SNX29: variants seen among roughly 807,000 people sequenced by gnomAD.
SNX29 encodes the protein sorting nexin-29.
A neutral mutation model predicts 102.1 loss-of-function variants in SNX29; 78 were observed. The observed-to-expected ratio is 0.76, with a 90% CI of 0.64 to 0.92. The LOEUF is 0.92. Among genes scored for constraint, SNX29 ranks in the 40% least tolerant of loss-of-function variants. The probability of loss-of-function intolerance (pLI) is 0.00; values close to 1 mark genes in which losing one functional copy is unlikely to be tolerated. For synonymous variants in SNX29, 580 were observed against 414.5 expected, an observed-to-expected ratio of 1.40 and a Z score of -4.85; for missense variants, 1,280 against 1,061.7, an observed-to-expected ratio of 1.21 and a Z score of -2.86.
chr16:12,254,695 A>G (rs746808080), intron 14 of SNX29, among the ~76,000 whole-genome samples: 4 of 151,180 alleles, frequency 2.6e-5, no homozygotes, highest in East Asian at 1.9e-4. Context: ...AGACTCTCCT[A>G]GAGTCCTAGA....
intron 13 of SNX29, among the ~76,000 whole-genome samples, chr16:12,156,911 T>C (rs896925672): frequency 3.3e-5 from 5 of 151,998 alleles, no homozygotes; most frequent in African/African-American, 1.2e-4. Flanking sequence ...TTCACTTCTG[T>C]GGGGTGGGCC....
At chr16:12,538,712 A>T (rs1255557923) in intron 20 of SNX29, among the ~76,000 whole-genome samples, 1 of 152,168 alleles carries the variant, frequency 6.6e-6, no homozygotes, top group African/African-American at 2.4e-5. Flanking sequence ...CTGGGCATGT[A>T]CATCAGGGAG....
chr16:12,524,413 A>T (rs2090217605), intron 19 of SNX29, among the ~76,000 whole-genome samples: 1 of 151,912 alleles, frequency 6.6e-6, no homozygotes, highest in Non-Finnish European at 1.5e-5. Flanking sequence ...CCAGCACCAC[A>T]TTCGGCACAT....
intron 16 of SNX29, among the ~76,000 whole-genome samples, chr16:12,363,209 C>T (rs1008161786): frequency 3.3e-5 from 5 of 152,240 alleles, no homozygotes; most frequent in Non-Finnish European, 7.3e-5. Context: ...CTCAGGCCTG[C>T]TTTGGTCGTC....
At chr16:12,311,144 T>A (rs1174285826) in intron 15 of SNX29, among the ~76,000 whole-genome samples, 1 of 152,208 alleles carries the variant, frequency 6.6e-6, no homozygotes, top group Admixed American at 6.5e-5. Flanking sequence ...GCTAAAAAAT[T>A]AAGCTCTTCA....
chr16:12,224,748 A>C (rs1267400871), intron 14 of SNX29, among the ~76,000 whole-genome samples: 1 of 152,192 alleles, frequency 6.6e-6, no homozygotes, highest in Non-Finnish European at 1.5e-5. Context: ...AGCAGGCACA[A>C]AACCAGATAG....
chr16:12,517,050 C>T (rs555904440), intron 19 of SNX29, among the ~76,000 whole-genome samples: 26 of 152,234 alleles, frequency 1.7e-4, no homozygotes, highest in South Asian at 6.2e-4. Context: ...TTTTTGAAAG[C>T]GAGGCCCAAC....
chr16:12,508,086 T>C (rs1342862695), intron 19 of SNX29, among the ~76,000 whole-genome samples: 2 of 152,246 alleles, frequency 1.3e-5, no homozygotes, highest in Non-Finnish European at 2.9e-5. Flanking sequence ...TGTTCTTACC[T>C]GTAAAAGGGA....
intron 14 of SNX29, among the ~76,000 whole-genome samples, chr16:12,225,333 C>T (rs1457203396): frequency 6.6e-6 from 1 of 152,082 alleles, no homozygotes; most frequent in Admixed American, 6.5e-5. Context: ...GATTGTAACT[C>T]CCACAAGTCC....
At chr16:12,523,894 G>C (rs1255760525) in intron 19 of SNX29, among the ~76,000 whole-genome samples, 1 of 150,632 alleles carries the variant, frequency 6.6e-6, no homozygotes, top group South Asian at 2.1e-4. Flanking sequence ...GGTTTTTTTT[G>C]TGTGTGTGTG....
chr16:12,091,014 C>CAAAAAA (rs58933500), intron 11 of SNX29, among the ~76,000 whole-genome samples: 151 of 53,338 alleles, frequency 2.8e-3, no homozygotes, highest in African/African-American at 6.9e-3. Context: ...GACTTCATCT[C>CAAAAAA]AAAAAAAAAA....
chr16:12,541,115 G>A (rs1461750252), intron 20 of SNX29, among the ~76,000 whole-genome samples: 2 of 152,208 alleles, frequency 1.3e-5, no homozygotes, highest in Admixed American at 6.5e-5. Context: ...AAGCTGACTT[G>A]GAGGGGAGAC....
In SNX29 at chr16:12,527,571, A is replaced by G. The variant is rs118173874; in HGVS notation, c.2318+2730A>G. Reference sequence around the variant, plus strand: ...GTCAGCTTTGTGTTTCACAGCACCCATCTCATCTCGTCTTCTGGAGAGCCA... The same window carrying G: ...GTCAGCTTTGTGTTTCACAGCACCCGTCTCATCTCGTCTTCTGGAGAGCCA... On this transcript the variant is annotated intron_variant, in intron 20 of 20. Coordinates refer to ENST00000566228, the MANE Select transcript of SNX29 (RefSeq NM_032167.5). 1.8e-4 allele frequency among the ~76,000 whole-genome samples: 28 copies of G among 152,246 alleles called. 1 individual carries two copies. Among genetic ancestry groups the G allele is most frequent in the Non-Finnish European group, 3.5e-4 (24 of 68,024 alleles).
intron 1 of SNX29, chr16:11,977,768 G>T (rs577649963): frequency 6.6e-6 from 1 of 152,362 alleles, no homozygotes; most frequent in Admixed American, 6.5e-5. Context: ...GAGTCTTATT[G>T]GTGTTTTGGT....
At chr16:11,976,834 T>A in intron 1 of SNX29, 21 bp downstream of exon 1, 1 of 1,370,954 alleles carries the variant, frequency 7.3e-7, no homozygotes, top group East Asian at 3.1e-5. Flanking sequence ...GCCCCGCCGC[T>A]GTCACCTGCC....
intron 13 of SNX29, among the ~76,000 whole-genome samples, chr16:12,188,565 T>C (rs1340664776): frequency 6.6e-6 from 1 of 152,216 alleles, no homozygotes; most frequent in Non-Finnish European, 1.5e-5. Context: ...TGTAATTAAT[T>C]ACCTTCTTGA....
At chr16:12,392,989 T>G (rs1280772008) in intron 16 of SNX29, among the ~76,000 whole-genome samples, 1 of 152,216 alleles carries the variant, frequency 6.6e-6, no homozygotes, top group Non-Finnish European at 1.5e-5. Flanking sequence ...ATTCTGTTCC[T>G]TATTAAAAGA....
rs143067293 is a variant in SNX29, at chr16:12,563,333, G to T, written c.2319-5173G>T. On this transcript the variant is annotated intron_variant, in intron 20 of 20. Coordinates refer to ENST00000566228, the MANE Select transcript of SNX29 (RefSeq NM_032167.5). The stretch of plus-strand genomic sequence containing the variant: ...TGTGACTGGAGAGAGTCACCGTCGA[G>T]GAGTGGCCATTATCCTGAGCCTGTC... Among the ~76,000 whole-genome samples the T allele has an allele frequency of 7.3e-3, 1,110 of 152,320 alleles. 6 individuals are homozygous for T. The highest frequency in any genetic ancestry group is 0.012 in the Non-Finnish European group (797 of 68,032).
At position 12,006,206 on chromosome 16, in the gene SNX29, A is replaced by AAAT. The variant is rs58638368; in HGVS notation, c.122+3189_122+3191dup. Reference sequence around the variant, plus strand: ...GCAATAGACAGAGACCCTGTCTCTAAAATAATAATAATAATAATAATAATA... The same window carrying AAAT: ...GCAATAGACAGAGACCCTGTCTCTAAAATAATAATAATAATAATAATAATAATA... On this transcript the variant is annotated intron_variant, in intron 3 of 20. Coordinates refer to ENST00000566228, the MANE Select transcript of SNX29 (RefSeq NM_032167.5). Among the ~76,000 whole-genome samples the AAAT allele has an allele frequency of 9.8e-3, 1,442 of 146,676 alleles. 14 individuals carry two copies. Among genetic ancestry groups the AAAT allele is most frequent in the East Asian group, 0.024 (122 of 5,094 alleles).
Sources: allele counts gnomAD v4.1 joint callset (sites outside exome capture counted in the v4.1 genomes callset), GRCh38; gene constraint gnomAD v4.1.1; transcripts MANE v1.5; gene names NCBI Gene and HGNC (gene_info 2026-07-23, HGNC 2026-07-21).